ACOXL: variants seen among roughly 807,000 people sequenced by gnomAD.
ACOXL encodes the protein acyl-coenzyme A oxidase-like protein.
ACOXL carries 70 observed loss-of-function variants against 71.9 expected under a neutral mutation model. The ratio of observed to expected loss-of-function variants is 0.97; its 90% CI spans 0.80 to 1.19. ACOXL has a LOEUF of 1.19. ACOXL is among the 50% of genes most tolerant of loss of function. The pLI is 0.00. For synonymous variants in ACOXL, 253 were observed against 281.6 expected, an observed-to-expected ratio of 0.90 and a Z score of 1.02; for missense variants, 703 against 736.3, an observed-to-expected ratio of 0.95 and a Z score of 0.52.
At chr2:111,108,336 T>C (rs1324514065) in intron 17 of ACOXL, among the ~76,000 whole-genome samples, 3 of 150,984 alleles carry the variant, frequency 2.0e-5, no homozygotes, top group African/African-American at 7.3e-5. Flanking sequence ...ATTTTAAAAA[T>C]AGAGGTCTAT....
intron 9 of ACOXL, among the ~76,000 whole-genome samples, chr2:110,838,866 G>A (rs1005584752): frequency 1.6e-4 from 25 of 152,196 alleles, no homozygotes; most frequent in East Asian, 3.9e-4. Context: ...GTTGTCGTGT[G>A]CCCTTGCAGG....
chr2:110,920,336 TA>T (rs1400533736), intron 11 of ACOXL, among the ~76,000 whole-genome samples: 1 of 152,216 alleles, frequency 6.6e-6, no homozygotes, highest in African/African-American at 2.4e-5. Context: ...TAATAATGTT[TA>T]GTGTCTTTTC....
chr2:110,881,523 A>G (rs112067540), intron 10 of ACOXL, among the ~76,000 whole-genome samples: 353 of 152,314 alleles, frequency 2.3e-3, no homozygotes, highest in African/African-American at 7.9e-3. Flanking sequence ...TGTACGATTG[A>G]TAGTTTTCAC....
At chr2:110,811,130 G>T (rs769912184) in intron 9 of ACOXL, among the ~76,000 whole-genome samples, 7 of 152,196 alleles carry the variant, frequency 4.6e-5, no homozygotes, top group Non-Finnish European at 7.3e-5. Flanking sequence ...CAGCCAAAGC[G>T]TATCAGGGAG....
chr2:110,886,486 C>T (rs1195591067), intron 10 of ACOXL, among the ~76,000 whole-genome samples: 3 of 151,336 alleles, frequency 2.0e-5, no homozygotes, highest in African/African-American at 7.3e-5. Flanking sequence ...AAGCGATTCT[C>T]CTGCCTCAGC....
At chr2:110,949,102 C>G (rs930479366) in intron 12 of ACOXL, among the ~76,000 whole-genome samples, 4 of 152,168 alleles carry the variant, frequency 2.6e-5, no homozygotes, top group Non-Finnish European at 4.4e-5. Context: ...CTGAGTCCAG[C>G]TGGCTGGGAT....
intron 2 of ACOXL, among the ~76,000 whole-genome samples, chr2:110,783,902 G>A (rs1286945341): frequency 6.6e-6 from 1 of 152,160 alleles, no homozygotes; most frequent in Non-Finnish European, 1.5e-5. Context: ...AATGAAACAT[G>A]TACAGTGTTT....
At chr2:111,015,911 A>G (rs6733497) in intron 14 of ACOXL, among the ~76,000 whole-genome samples, 136,591 of 152,074 alleles carry the variant, frequency 0.9, 61,598 homozygotes, top group African/African-American at 0.97. Flanking sequence ...CCATTCAGTG[A>G]GGGGTGAAAT....
At chr2:111,088,419 T>C (rs1333067981) in intron 16 of ACOXL, among the ~76,000 whole-genome samples, 1 of 152,114 alleles carries the variant, frequency 6.6e-6, no homozygotes, top group East Asian at 1.9e-4. Context: ...GTAGGCTTCG[T>C]AAAGAAACTG....
chr2:110,747,964 C>T (rs1678439138), intron 1 of ACOXL, among the ~76,000 whole-genome samples: 1 of 152,204 alleles, frequency 6.6e-6, no homozygotes, highest in Non-Finnish European at 1.5e-5. Context: ...ATGGTTCTCA[C>T]TCTGTCTTCT....
At chr2:110,841,008 T>G (rs1691107075) in intron 9 of ACOXL, among the ~76,000 whole-genome samples, 1 of 152,122 alleles carries the variant, frequency 6.6e-6, no homozygotes, top group South Asian at 2.1e-4. Flanking sequence ...ATCAGCTACA[T>G]GCGTGTTCTC....
intron 17 of ACOXL, among the ~76,000 whole-genome samples, chr2:111,096,813 C>T (rs2068830253): frequency 6.6e-6 from 1 of 152,192 alleles, no homozygotes; most frequent in African/African-American, 2.4e-5. Flanking sequence ...TCTGAAAACA[C>T]TCTCAGTTTG....
chr2:110,785,360 A>T (rs1360490587), intron 3 of ACOXL, among the ~76,000 whole-genome samples: 1 of 143,598 alleles, frequency 7.0e-6, no homozygotes, highest in Non-Finnish European at 1.5e-5. Flanking sequence ...GAGTTTTTAC[A>T]TGCACTCAGT....
chr2:110,886,187 CA>C (rs2149119091), intron 10 of ACOXL, among the ~76,000 whole-genome samples: 1 of 152,190 alleles, frequency 6.6e-6, no homozygotes, highest in South Asian at 2.1e-4. Context: ...AGGGAGTTAG[CA>C]GGGGTGGAGA....
intron 10 of ACOXL, among the ~76,000 whole-genome samples, chr2:110,874,654 T>C (rs151083891): frequency 1.0e-3 from 159 of 152,290 alleles, no homozygotes; most frequent in Non-Finnish European, 2.0e-3. Flanking sequence ...ATAATGGTGC[T>C]ACCACATGAC....
At chr2:110,881,891 G>GTTTT (rs112502730) in intron 10 of ACOXL, among the ~76,000 whole-genome samples, 3 of 149,562 alleles carry the variant, frequency 2.0e-5, no homozygotes, top group African/African-American at 4.9e-5. Context: ...GGGACATTGG[G>GTTTT]TTTTTTTTTT....
At chr2:110,870,900 G>T (rs959642465) in intron 10 of ACOXL, among the ~76,000 whole-genome samples, 1 of 152,104 alleles carries the variant, frequency 6.6e-6, no homozygotes, top group Non-Finnish European at 1.5e-5. Context: ...GTTTGAATGA[G>T]GTCAAAGTAG....
At chr2:111,082,158 A>G (rs1403377884) in intron 16 of ACOXL, among the ~76,000 whole-genome samples, 4 of 152,222 alleles carry the variant, frequency 2.6e-5, no homozygotes, top group South Asian at 2.1e-4. Context: ...ATGAAAGCCA[A>G]AATTGACAAA....
In ACOXL at chr2:110,967,809, C is replaced by T. The variant is rs373715716; in HGVS notation, c.1060-19299C>T. On this transcript the variant is annotated intron_variant, in intron 12 of 17. Transcript: ENST00000439055. ...GGGCCTGCAGGTCTCTGTTGAGCCA[C>T]GGATGTGGGTCTCTGTTTTGCAGGA... 17 of 849,274 alleles carry T rather than the reference C, an allele frequency of 2.0e-5. 1 individual carries two copies. The highest frequency in any genetic ancestry group is 5.7e-5 in the Admixed American group (3 of 52,368). The allele number at this position is 849,274 out of a possible 1,614,324, so 52.6% of individuals were successfully genotyped here.
Sources: gnomAD v4.1 joint callset for allele counts (sites outside exome capture counted in the v4.1 genomes callset) on GRCh38, gnomAD v4.1.1 for gene constraint, MANE v1.5 for transcripts, NCBI Gene and HGNC (gene_info 2026-07-23, HGNC 2026-07-21) for gene names.